The following APBB2 variants were observed in gnomAD, a reference collection of about 807,000 sequenced individuals.
APBB2 encodes Fe65-like 1.
A neutral mutation model predicts 82.5 loss-of-function variants in APBB2; 38 were observed. The ratio of observed to expected loss-of-function variants is 0.46; its 90% CI spans 0.36 to 0.60. APBB2 has a LOEUF of 0.60. Ranked by LOEUF, APBB2 falls within the 20% of genes least tolerant of loss-of-function variation. The pLI is 0.00. For missense variants in APBB2, 772 were observed against 972.3 expected (o/e 0.79, Z 2.74); for synonymous variants, 341 against 368.2 (o/e 0.93, Z 0.85).
At chr4:40,937,233 CAA>C (rs1785593792) in intron 7 of APBB2, among the ~76,000 whole-genome samples, 1 of 152,050 alleles carries the variant, frequency 6.6e-6, no homozygotes, top group Non-Finnish European at 1.5e-5. Flanking sequence ...ACAAGAAAAA[CAA>C]AGTTACCTCA....
intron 12 of APBB2, among the ~76,000 whole-genome samples, chr4:40,837,460 T>A (rs1171806287): frequency 6.6e-6 from 1 of 152,230 alleles, no homozygotes; most frequent in East Asian, 1.9e-4. Flanking sequence ...CTTCAGCATC[T>A]CGTCTGTAAA....
At chr4:41,044,507 TAG>T (rs756526802) in intron 4 of APBB2, among the ~76,000 whole-genome samples, 20 of 152,338 alleles carry the variant, frequency 1.3e-4, no homozygotes, top group Middle Eastern at 3.4e-3. Context: ...GCTCACTCTG[TAG>T]AAGGTTCCTT....
chr4:41,094,812 G>T (rs989024044), intron 3 of APBB2, among the ~76,000 whole-genome samples: 1 of 152,102 alleles, frequency 6.6e-6, no homozygotes, highest in African/African-American at 2.4e-5. Flanking sequence ...TGACCTGCCT[G>T]CTTTGGCCTC....
chr4:40,854,514 C>T (rs888993793), intron 12 of APBB2, among the ~76,000 whole-genome samples: 1 of 152,104 alleles, frequency 6.6e-6, no homozygotes, highest in East Asian at 1.9e-4. Flanking sequence ...AGGCCTGGCG[C>T]GGTGGCTCAC....
chr4:40,921,153 T>C (rs1353856281), intron 10 of APBB2, among the ~76,000 whole-genome samples: 1 of 152,196 alleles, frequency 6.6e-6, no homozygotes, highest in African/African-American at 2.4e-5. Context: ...GACAGAAAAC[T>C]GAACTTGTCC....
chr4:41,178,451 CTATT>C (rs1770426051), intron 1 of APBB2, among the ~76,000 whole-genome samples: 2 of 152,178 alleles, frequency 1.3e-5, no homozygotes, highest in South Asian at 4.1e-4. Context: ...ATGTAATTCT[CTATT>C]TGAGTGACTG....
intron 6 of APBB2, among the ~76,000 whole-genome samples, chr4:41,003,148 CCA>C (rs1805698114): frequency 6.6e-6 from 1 of 152,110 alleles, no homozygotes. Context: ...TCTACCATTT[CCA>C]CACTTATTCC....
chr4:40,942,669 G>C (rs1420438291), intron 7 of APBB2, among the ~76,000 whole-genome samples: 1 of 152,178 alleles, frequency 6.6e-6, no homozygotes, highest in Non-Finnish European at 1.5e-5. Context: ...CTGAACTCCA[G>C]GGCAGGAGGT....
At chr4:40,958,892 C>T (rs1201353772) in intron 6 of APBB2, among the ~76,000 whole-genome samples, 3 of 152,164 alleles carry the variant, frequency 2.0e-5, no homozygotes, top group African/African-American at 2.4e-5. Context: ...AGGCGTGAGC[C>T]GCTGCACTCA....
intron 1 of APBB2, among the ~76,000 whole-genome samples, chr4:41,201,291 T>G (rs1776636328): frequency 6.6e-6 from 1 of 152,166 alleles, no homozygotes; most frequent in Admixed American, 6.5e-5. Flanking sequence ...AGAGGGACTG[T>G]CATCTGTATT....
chr4:40,921,441 C>T (rs763881152), intron 10 of APBB2, among the ~76,000 whole-genome samples: 15 of 152,334 alleles, frequency 9.8e-5, no homozygotes, highest in African/African-American at 2.4e-4. Flanking sequence ...GCATGCAGAG[C>T]GACCAGCACA....
chr4:40,929,393 G>C (rs1281407902), intron 10 of APBB2, among the ~76,000 whole-genome samples: 3 of 152,102 alleles, frequency 2.0e-5, no homozygotes, highest in Non-Finnish European at 4.4e-5. Context: ...TCTGTCTCCT[G>C]GGTTCATGCC....
At chr4:40,877,968 G>A (rs764159730) in intron 12 of APBB2, among the ~76,000 whole-genome samples, 48 of 152,158 alleles carry the variant, frequency 3.2e-4, no homozygotes, top group Non-Finnish European at 6.0e-4. Context: ...GCTTGGTGCA[G>A]AGAAAAAGCA....
At chr4:41,080,672 A>C (rs1737260367) in intron 3 of APBB2, among the ~76,000 whole-genome samples, 1 of 149,982 alleles carries the variant, frequency 6.7e-6, no homozygotes, top group Admixed American at 6.7e-5. Flanking sequence ...ACAATTATTT[A>C]ATTTCAGTTG....
intron 12 of APBB2, among the ~76,000 whole-genome samples, chr4:40,882,074 T>C (rs958642665): frequency 5.3e-5 from 8 of 151,726 alleles, no homozygotes; most frequent in African/African-American, 1.9e-4. Context: ...TAATTCAATC[T>C]TAAAGGTCAA....
intron 6 of APBB2, among the ~76,000 whole-genome samples, chr4:40,980,527 CCAACTGCA>C (rs1269598772): frequency 0.03 from 11 of 370 alleles, no homozygotes; most frequent in Non-Finnish European, 0.05. Context: ...CACTGCAGAG[CCAACTGCA>C]GAGCCAATGA....
At chr4:41,059,974 T>A (rs1729223252) in intron 4 of APBB2, among the ~76,000 whole-genome samples, 1 of 143,092 alleles carries the variant, frequency 7.0e-6, no homozygotes, top group Non-Finnish European at 1.5e-5. Context: ...ACAGCAAAAC[T>A]CCGTCTCAAA....
At chr4:41,028,607 A>G (rs1186246235) in intron 5 of APBB2, among the ~76,000 whole-genome samples, 2 of 152,248 alleles carry the variant, frequency 1.3e-5, no homozygotes, top group African/African-American at 2.4e-5. Flanking sequence ...TGCCTGAAAT[A>G]TGATACTGCT....
chr4:40,997,997 C>A (rs767105886), intron 6 of APBB2, among the ~76,000 whole-genome samples: 1 of 152,162 alleles, frequency 6.6e-6, no homozygotes, highest in Non-Finnish European at 1.5e-5. Flanking sequence ...CGTGAAAGAA[C>A]AACTGACAGA....
Sources: gnomAD v4.1 joint callset for allele counts (sites outside exome capture counted in the v4.1 genomes callset) on GRCh38, gnomAD v4.1.1 for gene constraint, MANE v1.5 for transcripts, NCBI Gene and HGNC (gene_info 2026-07-23, HGNC 2026-07-21) for gene names.